The following KCNH7 variants were observed in gnomAD, a reference collection of about 807,000 sequenced individuals.
KCNH7 encodes the protein potassium voltage-gated channel subfamily H member 7.
Under a neutral mutation model 120.8 loss-of-function variants are expected in KCNH7, and 49 were observed. The observed-to-expected ratio is 0.41, with a 90% CI of 0.32 to 0.51. KCNH7 has a LOEUF of 0.51. Among genes scored for constraint, KCNH7 ranks in the 20% least tolerant of loss-of-function variants. The probability of loss-of-function intolerance (pLI) is 0.38; values close to 1 mark genes in which losing one functional copy is unlikely to be tolerated. For missense variants in KCNH7, 1,097 were observed against 1,446.6 expected (o/e 0.76, Z 3.92); for synonymous variants, 547 against 516.1 (o/e 1.06, Z -0.81).
At chr2:162,603,008 G>C (rs1480850061) in intron 2 of KCNH7, among the ~76,000 whole-genome samples, 1 of 150,898 alleles carries the variant, frequency 6.6e-6, no homozygotes, top group Non-Finnish European at 1.5e-5. Flanking sequence ...TGGAATCACA[G>C]CAGGGACTAC....
chr2:162,470,247 C>T (rs1689463461), intron 6 of KCNH7, among the ~76,000 whole-genome samples: 1 of 151,772 alleles, frequency 6.6e-6, no homozygotes, highest in Non-Finnish European at 1.5e-5. Context: ...GCCGCCATCC[C>T]ATCTAGGAAG....
intron 2 of KCNH7, among the ~76,000 whole-genome samples, chr2:162,584,717 C>T (rs191007768): frequency 4.6e-5 from 7 of 152,016 alleles, no homozygotes; most frequent in Admixed American, 3.3e-4. Context: ...AGCTCAGAGG[C>T]ACTGCTGTTG....
chr2:162,707,665 T>C (rs1686762464), intron 2 of KCNH7, among the ~76,000 whole-genome samples: 1 of 152,096 alleles, frequency 6.6e-6, no homozygotes, highest in Non-Finnish European at 1.5e-5. Context: ...AGGAAATGTA[T>C]ATAAATAGCT....
chr2:162,709,481 G>T (rs1686841936), intron 2 of KCNH7, among the ~76,000 whole-genome samples: 1 of 152,046 alleles, frequency 6.6e-6, no homozygotes, highest in South Asian at 2.1e-4. Flanking sequence ...TATAACAGTG[G>T]TTTCATAAGG....
chr2:162,438,319 G>T (rs1162790329), intron 7 of KCNH7, among the ~76,000 whole-genome samples: 1 of 152,090 alleles, frequency 6.6e-6, no homozygotes, highest in African/African-American at 2.4e-5. Context: ...TCCTTCCAAA[G>T]AAATCTCTGA....
chr2:162,666,817 T>G (rs1271495576), intron 2 of KCNH7, among the ~76,000 whole-genome samples: 1 of 152,198 alleles, frequency 6.6e-6, no homozygotes, highest in East Asian at 1.9e-4. Flanking sequence ...AGATTTCCAC[T>G]GTCCATCCCA....
At chr2:162,692,890 G>A (rs1199507375) in intron 2 of KCNH7, among the ~76,000 whole-genome samples, 2 of 151,974 alleles carry the variant, frequency 1.3e-5, no homozygotes, top group African/African-American at 4.8e-5. Context: ...AGTGTAAAGG[G>A]AGAGACACAG....
At chr2:162,386,338 T>A (rs1686570816) in intron 12 of KCNH7, among the ~76,000 whole-genome samples, 1 of 151,942 alleles carries the variant, frequency 6.6e-6, no homozygotes, top group Non-Finnish European at 1.5e-5. Flanking sequence ...TCTTTGTTTT[T>A]AACTTCTTCC....
At chr2:162,652,175 G>A (rs1029902110) in intron 2 of KCNH7, among the ~76,000 whole-genome samples, 2 of 152,128 alleles carry the variant, frequency 1.3e-5, no homozygotes, top group African/African-American at 4.8e-5. Flanking sequence ...TGATATGGGG[G>A]AAAGAGCCGA....
chr2:162,453,560 A>G (rs987283810), intron 6 of KCNH7, among the ~76,000 whole-genome samples: 2 of 152,162 alleles, frequency 1.3e-5, no homozygotes, highest in African/African-American at 4.8e-5. Flanking sequence ...CAATGGTTGA[A>G]CTAATTTACA....
At chr2:162,805,317 T>C (rs1684500435) in intron 2 of KCNH7, among the ~76,000 whole-genome samples, 1 of 151,336 alleles carries the variant, frequency 6.6e-6, no homozygotes, top group East Asian at 1.9e-4. Context: ...TGGGAGAAAA[T>C]ATTTGCAAAC....
intron 2 of KCNH7, among the ~76,000 whole-genome samples, chr2:162,761,287 T>G (rs967485049): frequency 1.5e-4 from 23 of 152,046 alleles, no homozygotes; most frequent in African/African-American, 5.6e-4. Context: ...TATTGCTTGG[T>G]TGGCTTAGCA....
chr2:162,752,915 A>G (rs1256097239), intron 2 of KCNH7, among the ~76,000 whole-genome samples: 609 of 55,452 alleles, frequency 0.011, 1 homozygote, highest in Middle Eastern at 0.033. Context: ...AAAGAAAAGA[A>G]AAGAAAAGAA....
chr2:162,698,458 C>A (rs1686374716), intron 2 of KCNH7, among the ~76,000 whole-genome samples: 1 of 149,884 alleles, frequency 6.7e-6, no homozygotes, highest in African/African-American at 2.5e-5. Flanking sequence ...ACTTCCATTG[C>A]ATGAGTTTTT....
At chr2:162,403,482 C>A (rs896376503) in intron 9 of KCNH7, among the ~76,000 whole-genome samples, 1 of 151,896 alleles carries the variant, frequency 6.6e-6, no homozygotes, top group African/African-American at 2.4e-5. Context: ...GATATGTTAT[C>A]GGAATTCCAA....
At chr2:162,394,559 T>A (rs965127766) in intron 11 of KCNH7, 74 bp from the exon 12 acceptor site, 6 of 859,560 alleles carry the variant, frequency 7.0e-6, no homozygotes, top group Non-Finnish European at 1.1e-5. Flanking sequence ...AGTAAACTGT[T>A]TACTATTTCA....
chr2:162,570,601 A>G (rs1693434222), intron 2 of KCNH7, among the ~76,000 whole-genome samples: 1 of 152,020 alleles, frequency 6.6e-6, no homozygotes, highest in Non-Finnish European at 1.5e-5. Flanking sequence ...TTTGCTCGTT[A>G]GTTGATGCAG....
intron 2 of KCNH7, among the ~76,000 whole-genome samples, chr2:162,674,838 CA>C (rs1685479880): frequency 6.6e-6 from 1 of 151,520 alleles, no homozygotes; most frequent in African/African-American, 2.4e-5. Context: ...ACATGAAAGG[CA>C]AACTGTAAAA....
At chr2:162,661,955 T>A (rs1684976340) in intron 2 of KCNH7, among the ~76,000 whole-genome samples, 1 of 152,142 alleles carries the variant, frequency 6.6e-6, no homozygotes, top group African/African-American at 2.4e-5. Flanking sequence ...TGTTGTATGA[T>A]GCTTTTTTCA....
Sources: allele counts gnomAD v4.1 joint callset (sites outside exome capture counted in the v4.1 genomes callset), GRCh38; gene constraint gnomAD v4.1.1; transcripts MANE v1.5; gene names NCBI Gene and HGNC (gene_info 2026-07-23, HGNC 2026-07-21).